The following ZCWPW1 variants were observed in gnomAD, a reference collection of about 807,000 sequenced individuals.
The protein encoded by ZCWPW1 is zinc finger CW-type PWWP domain protein 1.
In ZCWPW1, 56 loss-of-function variants were observed where a neutral mutation model predicts 81.3. That is an observed-to-expected ratio of 0.69 (90% CI 0.56 to 0.86). The LOEUF (loss-of-function observed/expected upper bound fraction) is 0.86. Among genes scored for constraint, ZCWPW1 ranks in the 40% least tolerant of loss-of-function variants. The probability of loss-of-function intolerance (pLI) is 0.00; values close to 1 mark genes in which losing one functional copy is unlikely to be tolerated. For synonymous variants in ZCWPW1, 250 were observed against 273.7 expected, an observed-to-expected ratio of 0.91 and a Z score of 0.86; for missense variants, 650 against 769.8, an observed-to-expected ratio of 0.84 and a Z score of 1.84.
At chr7:100,405,952 G>T (rs1457579643) in intron 12 of ZCWPW1, among the ~76,000 whole-genome samples, 16 of 152,136 alleles carry the variant, frequency 1.1e-4, no homozygotes, top group Non-Finnish European at 2.4e-4. Flanking sequence ...CAACATTTTG[G>T]TGTCCTCTCC....
At chr7:100,415,634 C>T (rs1300133533) in intron 8 of ZCWPW1, among the ~76,000 whole-genome samples, 1 of 152,270 alleles carries the variant, frequency 6.6e-6, no homozygotes, top group Non-Finnish European at 1.5e-5. Flanking sequence ...CCCCTGGGAT[C>T]TATAATACCA....
At chr7:100,404,058 T>C in intron 14 of ZCWPW1, 120 bp downstream of exon 14, 8 of 1,099,968 alleles carry the variant, frequency 7.3e-6, no homozygotes, top group Non-Finnish European at 1.0e-5. Flanking sequence ...GAGCCTCCTA[T>C]TAAAGAATCC....
chr7:100,404,178 C>G lies in ZCWPW1; in HGVS notation c.1321G>C (p.Asp441His), dbSNP rs1563129789. 1 of 1,614,100 alleles carries G rather than the reference C, an allele frequency of 6.2e-7. No individual in the cohort carries two copies. Among genetic ancestry groups the G allele is most frequent in the East Asian group, 2.2e-5 (1 of 44,886 alleles). The change falls in exon 14 of 18, where the codon GAC (aspartate) becomes CAC (histidine). Residue 441 changes from aspartate to histidine, a missense_variant and splice_region_variant. Asp to His is a moderately conservative substitution (Grantham distance 81, BLOSUM62 -1). Transcript: ENST00000684423. ...NGSNSNGERK[D>H]LQLSGLNSPG... ...AGTCCTCAACCTCCATTTATCCTAC[C>G]TTTTCTTTCCCCATTACTGTTAGAT...
chr7:100,407,361 C>T (rs1257973913), intron 10 of ZCWPW1, 58 bp from the exon 11 acceptor site: 1 of 1,438,032 alleles, frequency 7.0e-7, no homozygotes, highest in Non-Finnish European at 9.7e-7. Context: ...GAACAGAACA[C>T]AACCTCATCA....
intron 12 of ZCWPW1, 112 bp downstream of exon 12, chr7:100,406,582 G>A: frequency 1.0e-6 from 1 of 1,002,078 alleles, no homozygotes; most frequent in Admixed American, 2.0e-5. Context: ...TGGCACACCT[G>A]GTCAGACACA....
chr7:100,424,101 T>G (rs973682286), intron 2 of ZCWPW1, among the ~76,000 whole-genome samples: 25 of 148,414 alleles, frequency 1.7e-4, no homozygotes, highest in African/African-American at 6.2e-4. Flanking sequence ...CTGGGTAAAA[T>G]TAGCCTGTAA....
In ZCWPW1 at chr7:100,427,964, T is replaced by A. The variant is rs1798027937; in HGVS notation, c.-137+604A>T. Among the ~76,000 whole-genome samples, 3 of 149,848 alleles carry A rather than the reference T, an allele frequency of 2.0e-5. No individual in the cohort carries two copies. In the South Asian group the frequency reaches 6.3e-4, roughly 32 times the overall value. On this transcript the variant is annotated intron_variant, in intron 1 of 17. Coordinates refer to ENST00000684423, the MANE Select transcript of ZCWPW1 (RefSeq NM_001386010.1). ...CCTGCCGAGGCCCCGTGATCCTTAT[T>A]CTCACTCATATCGTTGGTGCCCGCC...
At chr7:100,420,404 G>A (rs1280912318) in intron 3 of ZCWPW1, among the ~76,000 whole-genome samples, 1 of 152,154 alleles carries the variant, frequency 6.6e-6, no homozygotes, top group Non-Finnish European at 1.5e-5. Context: ...CTTTATGATA[G>A]GTATTTAAAT....
Position 100,419,897 on chromosome 7 carries a change from G to T in ZCWPW1, c.29-14C>A. ...CCTTTCCACATTCTGAAAGAAATGT[G>T]ATCAAGTGGAATTTATGAAACATAC... On this transcript the variant is annotated splice_polypyrimidine_tract_variant and intron_variant, in intron 3 of 17. Transcript: ENST00000684423. The T allele has an allele frequency of 1.9e-6, 3 of 1,548,308 alleles. No homozygotes were observed. The highest frequency in any genetic ancestry group is 2.6e-6 in the Non-Finnish European group (3 of 1,148,952).
intron 12 of ZCWPW1, 25 bp downstream of exon 12, chr7:100,406,669 C>T (rs1243126267): frequency 5.6e-6 from 9 of 1,601,004 alleles, no homozygotes; most frequent in African/African-American, 1.3e-5. Context: ...CTCTGTATCA[C>T]AACAGAACCC....
rs745692159 is a variant in ZCWPW1 at position 100,417,001 on chromosome 7, AGACT to A, written c.479+61_479+64del. The A allele has an allele frequency of 1.8e-4, 212 of 1,192,590 alleles. 1 individual carries two copies. The highest frequency in any genetic ancestry group is 1.1e-3 in the Middle Eastern group (5 of 4,654). The allele number at this position is 1,192,590 out of a possible 1,614,324, so 73.9% of individuals were successfully genotyped here. On this transcript the variant is annotated intron_variant, in intron 6 of 17. Coordinates refer to ENST00000684423, the MANE Select transcript of ZCWPW1 (RefSeq NM_001386010.1). ...TGACCAGATAGACAGACAGATAGATAGACTGACTGACCATGAATGTGTAGTCCAT... is the reference window on the plus strand; with the variant it reads ...TGACCAGATAGACAGACAGATAGATAGACTGACCATGAATGTGTAGTCCAT...
intron 2 of ZCWPW1, among the ~76,000 whole-genome samples, chr7:100,421,210 C>G (rs936000536): frequency 4.6e-5 from 7 of 152,118 alleles, no homozygotes; most frequent in African/African-American, 1.7e-4. Flanking sequence ...TGCCTAGAAC[C>G]ATGTCCAGCC....
At chr7:100,419,389 T>A (rs189419657) in intron 4 of ZCWPW1, among the ~76,000 whole-genome samples, 200 bp from the exon 5 acceptor site, 13 of 152,294 alleles carry the variant, frequency 8.5e-5, no homozygotes, top group Admixed American at 8.5e-4. Flanking sequence ...AAGTGTATAA[T>A]GTCTCTGTCT....
intron 9 of ZCWPW1, 65 bp downstream of exon 9, chr7:100,409,363 T>C (rs1325137740): frequency 7.9e-7 from 1 of 1,259,196 alleles, no homozygotes; most frequent in Non-Finnish European, 1.2e-6. Context: ...ATCTAAAGGA[T>C]AAGTGCAGAG....
chr7:100,404,378 T>C (rs1469260477), intron 13 of ZCWPW1, 134 bp from the exon 14 acceptor site: 3 of 837,740 alleles, frequency 3.6e-6, no homozygotes, highest in Non-Finnish European at 5.6e-6. Flanking sequence ...TTATTATTTT[T>C]GAGACAGGGT....
At chr7:100,407,558 GTTTAT>G (rs930326723) in intron 10 of ZCWPW1, among the ~76,000 whole-genome samples, 5 of 151,760 alleles carry the variant, frequency 3.3e-5, no homozygotes, top group Non-Finnish European at 4.4e-5. Context: ...ACACCCAGCT[GTTTAT>G]TTTATTTTTT....
chr7:100,413,147 C>T (rs4596570), intron 8 of ZCWPW1, among the ~76,000 whole-genome samples: 13,660 of 152,238 alleles, frequency 0.09, 831 homozygotes, highest in South Asian at 0.13. Context: ...CAATTAATCA[C>T]CAAAGGATCC....
intron 6 of ZCWPW1, among the ~76,000 whole-genome samples, 158 bp downstream of exon 6, chr7:100,416,908 T>C (rs1301866954): frequency 6.7e-6 from 1 of 149,710 alleles, no homozygotes; most frequent in African/African-American, 2.5e-5. Flanking sequence ...ATCACGCCAC[T>C]GTACTCCAGC....
rs1027951417 is a variant in ZCWPW1, at chr7:100,420,666, G to A, written c.-17C>T. ...TGTCATCATTCAGCTTAGAAACTAC[G>A]CTTTGTGTGCCTCTGTTAGAAAAAA... On this transcript the variant is annotated 5_prime_UTR_variant, in exon 3 of 18. Transcript: ENST00000684423. 5.0e-6 allele frequency: 8 copies of A among 1,613,662 alleles called. No homozygotes were observed. Among genetic ancestry groups the A allele is most frequent in the South Asian group, 2.2e-5 (2 of 91,086 alleles).
Sources: gnomAD v4.1 joint callset for allele counts (sites outside exome capture counted in the v4.1 genomes callset) on GRCh38, gnomAD v4.1.1 for gene constraint, MANE v1.5 for transcripts, NCBI Gene and HGNC (gene_info 2026-07-23, HGNC 2026-07-21) for gene names.